Variants in ZNF385D observed in about 807,000 individuals in gnomAD.
ZNF385D encodes the protein zinc finger protein 659.
ZNF385D carries 15 observed loss-of-function variants against 35.8 expected under a neutral mutation model. The observed-to-expected ratio is 0.42, with a 90% CI of 0.28 to 0.64. The LOEUF is 0.64. ZNF385D is among the 30% of genes least tolerant of loss of function. The probability of loss-of-function intolerance (pLI) is 0.23; values close to 1 mark genes in which losing one functional copy is unlikely to be tolerated. For missense variants in ZNF385D, 474 were observed against 494.6 expected (o/e 0.96, Z 0.39); for synonymous variants, 212 against 186.8 (o/e 1.13, Z -1.10).
chr3:21,569,115 CTTG>C (rs1358254351), intron 2 of ZNF385D, among the ~76,000 whole-genome samples: 1 of 152,028 alleles, frequency 6.6e-6, no homozygotes, highest in Non-Finnish European at 1.5e-5. Context: ...CCTGGGTATC[CTTG>C]TTAACTTTCT....
chr3:21,629,015 T>C (rs1055736279), intron 2 of ZNF385D, among the ~76,000 whole-genome samples: 5 of 152,034 alleles, frequency 3.3e-5, no homozygotes, highest in Admixed American at 2.6e-4. Context: ...AAAATCCCTC[T>C]GGCAACCAAT....
chr3:22,185,925 A>G (rs1418492064), intron 2 of ZNF385D, among the ~76,000 whole-genome samples: 1 of 152,212 alleles, frequency 6.6e-6, no homozygotes, highest in African/African-American at 2.4e-5. Context: ...CATTTATTGC[A>G]TGACAGGACA....
intron 3 of ZNF385D, among the ~76,000 whole-genome samples, chr3:22,003,001 CTAAGAACTAGAA>C (rs1002925547): frequency 1.3e-5 from 2 of 152,058 alleles, no homozygotes; most frequent in African/African-American, 4.8e-5. Flanking sequence ...AGCCTTTTCT[CTAAGAACTAGAA>C]TAAGAAAAGG....
At chr3:21,877,180 C>A (rs1418645284) in intron 3 of ZNF385D, among the ~76,000 whole-genome samples, 1 of 152,056 alleles carries the variant, frequency 6.6e-6, no homozygotes. Flanking sequence ...TAAACAAGGT[C>A]ATTTCAGATA....
chr3:22,099,665 G>T (rs1701821504), intron 3 of ZNF385D, among the ~76,000 whole-genome samples: 1 of 151,984 alleles, frequency 6.6e-6, no homozygotes. Flanking sequence ...TTAGAGATAG[G>T]TAGTCATCCT....
chr3:22,312,571 C>A (rs1575096941), intron 2 of ZNF385D, among the ~76,000 whole-genome samples: 1 of 152,060 alleles, frequency 6.6e-6, no homozygotes, highest in East Asian at 1.9e-4. Context: ...AAACAAATAA[C>A]CCCATCAAAA....
At chr3:21,645,468 A>C (rs2065723885) in intron 2 of ZNF385D, among the ~76,000 whole-genome samples, 1 of 152,176 alleles carries the variant, frequency 6.6e-6, no homozygotes, top group Admixed American at 6.5e-5. Flanking sequence ...TCTTAACTGC[A>C]TTTGCAATTA....
At chr3:21,837,392 T>C (rs1053249739) in intron 3 of ZNF385D, among the ~76,000 whole-genome samples, 6 of 152,062 alleles carry the variant, frequency 3.9e-5, no homozygotes, top group Non-Finnish European at 5.9e-5. Flanking sequence ...GGGAGGTAGA[T>C]AGGGGTCTGG....
chr3:21,756,217 C>T (rs537793537), intron 3 of ZNF385D, among the ~76,000 whole-genome samples: 39 of 152,016 alleles, frequency 2.6e-4, no homozygotes, highest in Admixed American at 1.4e-3. Flanking sequence ...GAAACAGTGG[C>T]GGTAGAAAAA....
chr3:21,626,921 A>G (rs1363438960), intron 2 of ZNF385D, among the ~76,000 whole-genome samples: 1 of 152,042 alleles, frequency 6.6e-6, no homozygotes, highest in Non-Finnish European at 1.5e-5. Context: ...ATAAGCCTGT[A>G]GAAAAGAACT....
intron 3 of ZNF385D, among the ~76,000 whole-genome samples, chr3:21,936,392 AT>A (rs55917153): frequency 2.7e-4 from 40 of 148,940 alleles, no homozygotes; most frequent in South Asian, 4.2e-4. Flanking sequence ...ATGTGTAACA[AT>A]TTTTTTTTTT....
At chr3:22,107,789 G>A (rs780713380) in intron 3 of ZNF385D, among the ~76,000 whole-genome samples, 1 of 151,918 alleles carries the variant, frequency 6.6e-6, no homozygotes, top group Non-Finnish European at 1.5e-5. Flanking sequence ...CATATGTAGT[G>A]TGGTATTAAT....
At chr3:22,014,207 C>CT (rs75125829) in intron 3 of ZNF385D, among the ~76,000 whole-genome samples, 10 of 150,944 alleles carry the variant, frequency 6.6e-5, no homozygotes, top group Middle Eastern at 3.4e-3. Flanking sequence ...TGGCTGCTAC[C>CT]TTTTTTTTTA....
chr3:22,136,998 G>A (rs1047235546), intron 3 of ZNF385D, among the ~76,000 whole-genome samples: 4 of 152,116 alleles, frequency 2.6e-5, no homozygotes, highest in Admixed American at 6.6e-5. Flanking sequence ...ATCATGTAGT[G>A]GTGGATATAT....
At chr3:21,523,294 T>C (rs1370091387) in intron 3 of ZNF385D, among the ~76,000 whole-genome samples, 1 of 152,212 alleles carries the variant, frequency 6.6e-6, no homozygotes. Flanking sequence ...AGAGAACTTG[T>C]ACTGAAGTCT....
intron 4 of ZNF385D, among the ~76,000 whole-genome samples, chr3:21,507,896 C>A (rs762744694): frequency 3.3e-5 from 5 of 152,168 alleles, no homozygotes; most frequent in Non-Finnish European, 7.3e-5. Context: ...AAATGGGTGT[C>A]TTTTCTCATA....
intron 3 of ZNF385D, among the ~76,000 whole-genome samples, chr3:22,001,743 T>TA (rs35919641): frequency 0.65 from 98,865 of 151,008 alleles, 33,610 homozygotes; most frequent in African/African-American, 0.82. Flanking sequence ...AAGTCTCAAT[T>TA]AAAAAAAAAT....
chr3:21,669,731 T>G (rs536196839), intron 1 of ZNF385D, among the ~76,000 whole-genome samples: 1 of 152,320 alleles, frequency 6.6e-6, no homozygotes, highest in South Asian at 2.1e-4. Context: ...AATATATTTT[T>G]TAATGAACCG....
At chr3:22,284,030 T>G (rs1701900475) in intron 2 of ZNF385D, among the ~76,000 whole-genome samples, 1 of 152,094 alleles carries the variant, frequency 6.6e-6, no homozygotes, top group South Asian at 2.1e-4. Flanking sequence ...TGTGGATACT[T>G]GGACATAATT....
Sources: allele counts gnomAD v4.1 joint callset (sites outside exome capture counted in the v4.1 genomes callset), GRCh38; gene constraint gnomAD v4.1.1; transcripts MANE v1.5; gene names NCBI Gene and HGNC (gene_info 2026-07-23, HGNC 2026-07-21).